Variants in TSPEAR observed in about 807,000 individuals in gnomAD.
TSPEAR encodes the protein thrombospondin type laminin G domain and EAR repeats.
A neutral mutation model predicts 71.6 loss-of-function variants in TSPEAR; 69 were observed. That is an observed-to-expected ratio of 0.96 (90% CI 0.79 to 1.18). The LOEUF is 1.18. Among genes scored for constraint, TSPEAR ranks in the 50% most tolerant of loss-of-function variants. The pLI, the probability that TSPEAR is intolerant of heterozygous loss-of-function variation, is 0.00. For synonymous variants in TSPEAR, 402 were observed against 387.2 expected (o/e 1.04, Z -0.45); for missense variants, 971 against 894.9 (o/e 1.09, Z -1.09).
At chr21:44,637,660 G>T in intron 1 of TSPEAR, 1 of 1,581,788 alleles carries the variant, frequency 6.3e-7, no homozygotes, top group Non-Finnish European at 8.6e-7. Context: ...CTAGCTGCCA[G>T]CCGGATTGCT....
intron 11 of TSPEAR, among the ~76,000 whole-genome samples, chr21:44,500,602 C>G (rs971955658): frequency 2.4e-4 from 36 of 152,374 alleles, no homozygotes; most frequent in African/African-American, 8.7e-4. Flanking sequence ...GGCTTCTGCT[C>G]TCACGGGAAA....
chr21:44,512,233 C>T (rs371026089), intron 9 of TSPEAR, among the ~76,000 whole-genome samples: 173 of 151,154 alleles, frequency 1.1e-3, no homozygotes, highest in African/African-American at 4.0e-3. Context: ...ACTGGGGAGC[C>T]GGAGGAGGCT....
At chr21:44,600,235 G>T (rs1980694266) in intron 1 of TSPEAR, among the ~76,000 whole-genome samples, 1 of 151,984 alleles carries the variant, frequency 6.6e-6, no homozygotes, top group Admixed American at 6.5e-5. Flanking sequence ...TGGCCCACAG[G>T]CGCTGGGATT....
rs1404814841 is a variant in TSPEAR, at chr21:44,661,236, C to T, written c.82+50197G>A. Among the ~76,000 whole-genome samples the T allele has an allele frequency of 4.9e-5, 7 of 141,746 alleles. No homozygotes were observed. In the East Asian group the frequency reaches 1.1e-3, roughly 22 times the overall value. The allele number at this position is 141,746 out of a possible 152,430, so 93.0% of individuals were successfully genotyped here. On this transcript the variant is annotated intron_variant, in intron 1 of 11. Transcript: ENST00000323084. Reference sequence around the variant, plus strand: ...CGGAGCCTGCAGTGAGCCGAGATCGCGCCACTGCACTCCAGGCTGGGTGAC... The same window carrying T: ...CGGAGCCTGCAGTGAGCCGAGATCGTGCCACTGCACTCCAGGCTGGGTGAC...
chr21:44,530,289 C>T (rs1312704286), intron 4 of TSPEAR, among the ~76,000 whole-genome samples: 1 of 151,978 alleles, frequency 6.6e-6, no homozygotes, highest in Non-Finnish European at 1.5e-5. Flanking sequence ...TCCATCAGTC[C>T]AATCCATTCA....
intron 9 of TSPEAR, chr21:44,517,782 C>G: frequency 2.1e-6 from 1 of 471,232 alleles, no homozygotes; most frequent in Non-Finnish European, 4.4e-6. Context: ...CTCCTGATAT[C>G]CAGGGCTGCC....
chr21:44,659,765 A>G (rs1985388973), intron 1 of TSPEAR, among the ~76,000 whole-genome samples: 1 of 152,186 alleles, frequency 6.6e-6, no homozygotes, highest in Non-Finnish European at 1.5e-5. Flanking sequence ...CAGCCTGGGT[A>G]AAAGAGCAAG....
rs770014395 is a variant in TSPEAR, at chr21:44,514,775, TCTAGAATTC to T, written c.1567-5398_1567-5390del. Among the ~76,000 whole-genome samples, 1,030 of 152,158 alleles carry T rather than the reference TCTAGAATTC, an allele frequency of 6.8e-3. 10 individuals are homozygous for T. Among genetic ancestry groups the T allele is most frequent in the Non-Finnish European group, 8.8e-3 (598 of 67,994 alleles). On this transcript the variant is annotated intron_variant, in intron 9 of 11. Coordinates refer to ENST00000323084, the MANE Select transcript of TSPEAR (RefSeq NM_144991.3). ...TGTCTCCAACCTGGAAGAAAGTTGTTCTAGAATTCCTGGTGGGATGGGCAGAAAGACTTT... is the reference window on the plus strand; with the variant it reads ...TGTCTCCAACCTGGAAGAAAGTTGTTCTGGTGGGATGGGCAGAAAGACTTT...
chr21:44,708,275 G>T (rs943990522), intron 1 of TSPEAR, among the ~76,000 whole-genome samples: 6 of 152,080 alleles, frequency 3.9e-5, no homozygotes, highest in Admixed American at 1.3e-4. Context: ...TCAGGAATGG[G>T]CACACTTCCT....
At chr21:44,622,782 G>C (rs1555933706) in intron 1 of TSPEAR, among the ~76,000 whole-genome samples, 1 of 152,204 alleles carries the variant, frequency 6.6e-6, no homozygotes, top group Non-Finnish European at 1.5e-5. Context: ...GTCACATTGT[G>C]AGTGACATGG....
chr21:44,576,893 G>A (rs1300459751), intron 1 of TSPEAR, among the ~76,000 whole-genome samples: 2 of 152,204 alleles, frequency 1.3e-5, no homozygotes, highest in African/African-American at 2.4e-5. Flanking sequence ...GGAGAGGCCT[G>A]AGAGCAAGTC....
At chr21:44,509,130 A>G (rs2052283113) in intron 10 of TSPEAR, 69 bp downstream of exon 10, 1 of 1,532,840 alleles carries the variant, frequency 6.5e-7, no homozygotes, top group Non-Finnish European at 8.9e-7. Context: ...GATGAGCCTA[A>G]CGGGGATTCC....
At position 44,499,908 on chromosome 21, in the gene TSPEAR, C is replaced by T; in HGVS notation, c.1885G>A (p.Val629Met). The T allele has an allele frequency of 6.2e-7, 1 of 1,608,202 alleles. No individual in the cohort carries two copies. The highest frequency in any genetic ancestry group is 8.5e-7 in the Non-Finnish European group (1 of 1,178,294). ...RWQGYEGFVA[V>M]HSLPTVGCRD... ...CAGCCGACGGTGGGGAGGCTGTGCACCGCCACGAAGCCCTCGTAGCCCTGC... is the reference window on the plus strand; with the variant it reads ...CAGCCGACGGTGGGGAGGCTGTGCATCGCCACGAAGCCCTCGTAGCCCTGC... The change falls in exon 12 of 12, where the codon GTG (valine) becomes ATG (methionine). Residue 629 changes from valine (V) to methionine (M), a missense_variant. Physicochemically the swap from Val to Met is conservative, Grantham distance 21 (BLOSUM62 1). Transcript: ENST00000323084.
intron 1 of TSPEAR, chr21:44,580,599 A>C (rs1555924991): frequency 6.3e-7 from 1 of 1,592,780 alleles, no homozygotes; most frequent in East Asian, 2.2e-5. Context: ...GGAAGACGTG[A>C]GCTGGGAGCT....
chr21:44,598,204 G>A (rs766000851), intron 1 of TSPEAR, among the ~76,000 whole-genome samples: 10 of 152,140 alleles, frequency 6.6e-5, no homozygotes, highest in South Asian at 2.1e-4. Context: ...CTAGTTTCCC[G>A]TAGATGACCC....
At chr21:44,503,487 A>C (rs2052099145) in intron 11 of TSPEAR, among the ~76,000 whole-genome samples, 1 of 128,728 alleles carries the variant, frequency 7.8e-6, no homozygotes, top group African/African-American at 3.0e-5. Flanking sequence ...GGGGGAAGAA[A>C]GGCTCTGGGA....
intron 1 of TSPEAR, among the ~76,000 whole-genome samples, chr21:44,650,040 A>C (rs587594536): frequency 3.9e-5 from 6 of 152,170 alleles, no homozygotes; most frequent in African/African-American, 1.4e-4. Flanking sequence ...CAGGCAACAC[A>C]GTGAGACCCC....
In TSPEAR at chr21:44,687,435, C is replaced by T. The variant is rs782337215; in HGVS notation, c.82+23998G>A. Among the ~76,000 whole-genome samples the T allele has an allele frequency of 9.2e-5, 14 of 152,176 alleles. No homozygotes were observed. The highest frequency in any genetic ancestry group is 8.8e-5 in the Non-Finnish European group (6 of 68,044). On this transcript the variant is annotated intron_variant, in intron 1 of 11. Transcript: ENST00000323084. This position sits in a 1 kb window ranked among gnomAD's most constrained non-coding sequence, Gnocchi z 4.4. The stretch of plus-strand genomic sequence containing the variant: ...AACACAGCGTGACAGAGCGGTACAG[C>T]GGAATCCACACCAGCACTGAGGGCG...
chr21:44,667,014 T>C, intron 1 of TSPEAR: 1 of 1,096,594 alleles, frequency 9.1e-7, no homozygotes, highest in Non-Finnish European at 1.3e-6. Flanking sequence ...TCCTTGTTTT[T>C]CTTCCTCAGT....
Sources: allele counts gnomAD v4.1 joint callset (sites outside exome capture counted in the v4.1 genomes callset), GRCh38; gene constraint gnomAD v4.1.1; non-coding constraint Gnocchi (gnomAD v3.1); transcripts MANE v1.5; gene names NCBI Gene and HGNC (gene_info 2026-07-23, HGNC 2026-07-21).